FGD4: variants seen among roughly 807,000 people sequenced by gnomAD.
The protein encoded by FGD4 is FYVE, RhoGEF and PH domain containing 4, also known as FYVE, RhoGEF and PH domain-containing protein 4.
In FGD4, 42 loss-of-function variants were observed where a neutral mutation model predicts 102.0. That is an observed-to-expected ratio of 0.41 (90% confidence interval 0.32 to 0.53). FGD4 has a LOEUF of 0.53. FGD4 is among the 20% of genes least tolerant of loss of function. The pLI, the probability that FGD4 is intolerant of heterozygous loss-of-function variation, is 0.21. For missense variants in FGD4, 902 were observed against 1,078.2 expected (o/e 0.84, Z 2.29); for synonymous variants, 380 against 375.7 (o/e 1.01, Z -0.13).
At chr12:32,459,980 A>G (rs1393258276) in intron 1 of FGD4, among the ~76,000 whole-genome samples, 1 of 152,104 alleles carries the variant, frequency 6.6e-6, no homozygotes, top group African/African-American at 2.4e-5. Flanking sequence ...TGTTGGGATT[A>G]TAGGCATGAG....
At chr12:32,453,527 C>G (rs1444285043) in intron 1 of FGD4, among the ~76,000 whole-genome samples, 1 of 152,016 alleles carries the variant, frequency 6.6e-6, no homozygotes, top group East Asian at 1.9e-4. Context: ...AGCCACTGCA[C>G]CCAGCCTAGG....
intron 1 of FGD4, among the ~76,000 whole-genome samples, chr12:32,446,375 C>G (rs566671113): frequency 2.2e-4 from 34 of 152,110 alleles, no homozygotes; most frequent in African/African-American, 6.7e-4. Flanking sequence ...AAACCTGAAG[C>G]CCAATGTAAC....
chr12:32,543,122 T>C (rs940025156), intron 1 of FGD4, among the ~76,000 whole-genome samples: 4 of 152,152 alleles, frequency 2.6e-5, no homozygotes, highest in African/African-American at 4.8e-5. Context: ...ATTTAATAAT[T>C]TGCTAGATTG....
chr12:32,568,728 A>T (rs560350033), intron 2 of FGD4, among the ~76,000 whole-genome samples: 1 of 152,340 alleles, frequency 6.6e-6, no homozygotes, highest in East Asian at 1.9e-4. Flanking sequence ...ATGTATAATG[A>T]TCCATTCTTT....
At chr12:32,466,909 C>A (rs1468737304) in intron 1 of FGD4, among the ~76,000 whole-genome samples, 3 of 151,452 alleles carry the variant, frequency 2.0e-5, no homozygotes, top group Non-Finnish European at 4.4e-5. Context: ...ATTACACCTC[C>A]TACGGAATGT....
At chr12:32,432,051 ATTT>A (rs60933809) in intron 1 of FGD4, among the ~76,000 whole-genome samples, 25 of 107,720 alleles carry the variant, frequency 2.3e-4, no homozygotes, top group African/African-American at 4.8e-4. Flanking sequence ...TAATCCTAGC[ATTT>A]TTTTTTTTTT....
In FGD4 at chr12:32,564,720, T is replaced by C. The variant is rs112654324; in HGVS notation, c.319+431T>C. ...ATGTGACTTGAAAATATTAAGGAGGTAGGGCATGAAAACACCTGATAGTAA... is the reference window on the plus strand; with the variant it reads ...ATGTGACTTGAAAATATTAAGGAGGCAGGGCATGAAAACACCTGATAGTAA... On this transcript the variant is annotated intron_variant, in intron 2 of 16. Coordinates refer to ENST00000534526, the MANE Select transcript of FGD4 (RefSeq NM_001370298.3). 7.8e-3 allele frequency among the ~76,000 whole-genome samples: 1,187 copies of C among 152,224 alleles called. 26 individuals carry two copies. The highest frequency in any genetic ancestry group is 0.027 in the African/African-American group (1,118 of 41,528).
At chr12:32,627,878 G>A (rs576461510) in intron 14 of FGD4, among the ~76,000 whole-genome samples, 1 of 152,316 alleles carries the variant, frequency 6.6e-6, no homozygotes, top group African/African-American at 2.4e-5. Flanking sequence ...TAATGAGAAA[G>A]TGGCGGGGTC....
intron 15 of FGD4, chr12:32,637,772 A>C (rs1455777740): frequency 6.6e-6 from 1 of 152,180 alleles, no homozygotes; most frequent in Non-Finnish European, 1.5e-5. Flanking sequence ...AGACACTTAC[A>C]AAACCATCAG....
rs1480348578 is a variant in FGD4 at position 32,640,621 on chromosome 12, T to G, written c.*88T>G. The stretch of plus-strand genomic sequence containing the variant: ...TCTTCTTACACATCTGCTAGCACTT[T>G]ATGTTGAAAAATATAGGCCCATAAA... On this transcript the variant is annotated 3_prime_UTR_variant, in exon 17 of 17. Transcript: ENST00000534526. 1.3e-6 allele frequency: 2 copies of G among 1,582,198 alleles called. No individual in the cohort carries two copies. Among genetic ancestry groups the G allele is most frequent in the African/African-American group, 1.3e-5 (1 of 74,236 alleles).
At chr12:32,562,145 AG>A (rs1944651206) in intron 1 of FGD4, among the ~76,000 whole-genome samples, 1 of 152,348 alleles carries the variant, frequency 6.6e-6, no homozygotes, top group African/African-American at 2.4e-5. Flanking sequence ...AACACTAAAA[AG>A]GAAGGCTTTT....
intron 10 of FGD4, among the ~76,000 whole-genome samples, chr12:32,618,939 A>G (rs1186189116): frequency 6.6e-6 from 1 of 152,092 alleles, no homozygotes; most frequent in African/African-American, 2.4e-5. Flanking sequence ...ATAGAGTGAG[A>G]CCCTCTCTCA....
At chr12:32,536,859 G>A (rs1489279951) in intron 1 of FGD4, among the ~76,000 whole-genome samples, 1 of 151,884 alleles carries the variant, frequency 6.6e-6, no homozygotes, top group African/African-American at 2.4e-5. Context: ...AAAAAAGACT[G>A]TGTCACTGTG....
At chr12:32,486,257 CT>C in intron 1 of FGD4, 1 of 1,013,602 alleles carries the variant, frequency 9.9e-7, no homozygotes. Flanking sequence ...TCTTTGTTTA[CT>C]GTTAAGTGAT....
chr12:32,533,294 A>G (rs1382489636), intron 1 of FGD4, among the ~76,000 whole-genome samples: 1 of 152,144 alleles, frequency 6.6e-6, no homozygotes, highest in East Asian at 1.9e-4. Context: ...TGCACACTAG[A>G]GAGAGGGAAC....
At chr12:32,459,427 C>T (rs1333438291) in intron 1 of FGD4, among the ~76,000 whole-genome samples, 1 of 151,988 alleles carries the variant, frequency 6.6e-6, no homozygotes, top group Non-Finnish European at 1.5e-5. Flanking sequence ...CTCATGGCCT[C>T]AAGTGATCCA....
chr12:32,512,660 C>T (rs1330641406), intron 1 of FGD4, among the ~76,000 whole-genome samples: 2 of 152,110 alleles, frequency 1.3e-5, no homozygotes, highest in Non-Finnish European at 2.9e-5. Context: ...AGCTTGCCTG[C>T]CTGAAATGCA....
Position 32,506,992 on chromosome 12 carries a change from A to G in FGD4, c.167-57145A>G, listed in dbSNP as rs1938823582. ...TGTGCACAACGTGCAGGTTAGTTAC[A>G]TATGTATACATGTGTCATGCTGGTG... is the stretch of plus-strand genomic sequence containing the variant. On this transcript the variant is annotated intron_variant, in intron 1 of 16. Coordinates refer to ENST00000534526, the MANE Select transcript of FGD4 (RefSeq NM_001370298.3). The surrounding 1 kb of genome is among the most constrained non-coding windows in gnomAD (Gnocchi z 4.5). 6.6e-6 allele frequency among the ~76,000 whole-genome samples: 1 copy of G among 151,876 alleles called. No individual in the cohort carries two copies. Among genetic ancestry groups the G allele is most frequent in the South Asian group, 2.1e-4 (1 of 4,816 alleles).
At chr12:32,494,022 A>C (rs1210442132) in intron 1 of FGD4, among the ~76,000 whole-genome samples, 1 of 152,190 alleles carries the variant, frequency 6.6e-6, no homozygotes, top group African/African-American at 2.4e-5. Context: ...CTGAGGCAGG[A>C]ATGAGCTTTT....
Sources: allele counts gnomAD v4.1 joint callset (sites outside exome capture counted in the v4.1 genomes callset), GRCh38; gene constraint gnomAD v4.1.1; non-coding constraint Gnocchi (gnomAD v3.1); transcripts MANE v1.5; gene names NCBI Gene and HGNC (gene_info 2026-07-23, HGNC 2026-07-21).